PACRG: variants seen among roughly 807,000 people sequenced by gnomAD.
PACRG encodes the protein parkin coregulated.
In PACRG, 29 loss-of-function variants were observed where a neutral mutation model predicts 29.7. The observed-to-expected ratio is 0.98, with a 90% confidence interval of 0.73 to 1.33. The LOEUF (loss-of-function observed/expected upper bound fraction) is 1.33, where lower values mean the gene tolerates loss of function less well. Among genes scored for constraint, PACRG ranks in the 40% most tolerant of loss-of-function variants. The probability of loss-of-function intolerance (pLI) is 0.00; values close to 1 mark genes in which losing one functional copy is unlikely to be tolerated. For synonymous variants in PACRG, 116 were observed against 118.7 expected (o/e 0.98, Z 0.15); for missense variants, 279 against 316.2 (o/e 0.88, Z 0.89).
intron 1 of PACRG, among the ~76,000 whole-genome samples, chr6:162,763,924 T>C (rs1405097960): frequency 3.3e-5 from 5 of 152,160 alleles, no homozygotes; most frequent in Admixed American, 3.3e-4. Flanking sequence ...ACTATCTTCT[T>C]GAAGTGAAAA....
chr6:162,957,842 A>C (rs1426589808), intron 2 of PACRG, among the ~76,000 whole-genome samples: 2 of 152,150 alleles, frequency 1.3e-5, no homozygotes, highest in Non-Finnish European at 2.9e-5. Context: ...TAGAGACACA[A>C]ATAGAAATAA....
intron 4 of PACRG, among the ~76,000 whole-genome samples, chr6:163,175,771 G>GAGGAGT (rs945605999): frequency 6.6e-6 from 1 of 151,804 alleles, no homozygotes; most frequent in African/African-American, 2.4e-5. Context: ...GGAGGAGGAG[G>GAGGAGT]AGGAGGAGGA....
At chr6:162,912,009 C>A (rs974016593) in intron 2 of PACRG, among the ~76,000 whole-genome samples, 1 of 152,190 alleles carries the variant, frequency 6.6e-6, no homozygotes, top group Non-Finnish European at 1.5e-5. Context: ...CCCTCACTGG[C>A]CAAACAAAAT....
intron 4 of PACRG, among the ~76,000 whole-genome samples, chr6:163,139,614 T>C (rs1353724755): frequency 1.3e-5 from 2 of 152,178 alleles, no homozygotes; most frequent in African/African-American, 2.4e-5. Flanking sequence ...TCAATAACTA[T>C]TTGTTTTGTT....
At chr6:163,088,994 T>C (rs902852732) in intron 3 of PACRG, among the ~76,000 whole-genome samples, 2 of 152,188 alleles carry the variant, frequency 1.3e-5, no homozygotes, top group Admixed American at 6.5e-5. Context: ...AGCCCCGGCC[T>C]CTTCTACGAG....
chr6:163,210,918 C>T (rs1171462960), intron 4 of PACRG, among the ~76,000 whole-genome samples: 4 of 152,118 alleles, frequency 2.6e-5, no homozygotes, highest in Non-Finnish European at 5.9e-5. Flanking sequence ...TGGTTTTATG[C>T]CCTATTTAAA....
chr6:163,018,837 T>C (rs1272922330), intron 2 of PACRG, among the ~76,000 whole-genome samples: 1 of 152,162 alleles, frequency 6.6e-6, no homozygotes, highest in East Asian at 1.9e-4. Context: ...TATATGCATG[T>C]TGAGTCTCTT....
intron 4 of PACRG, among the ~76,000 whole-genome samples, chr6:163,140,254 T>C (rs116248158): frequency 0.017 from 2,647 of 152,252 alleles, 85 homozygotes; most frequent in African/African-American, 0.06. Context: ...CTTAGATCCC[T>C]AGGCCAGAAA....
At chr6:163,252,888 C>G (rs895298656) in intron 4 of PACRG, among the ~76,000 whole-genome samples, 3 of 152,196 alleles carry the variant, frequency 2.0e-5, no homozygotes, top group Non-Finnish European at 4.4e-5. Flanking sequence ...TAAAAGTAAG[C>G]AAATTCTGAC....
chr6:163,187,739 C>G (rs1267995444), intron 4 of PACRG: 1 of 152,440 alleles, frequency 6.6e-6, no homozygotes, highest in Non-Finnish European at 1.5e-5. Context: ...GGAGGAACCC[C>G]AGCATCCCAG....
intron 4 of PACRG, among the ~76,000 whole-genome samples, chr6:163,129,451 C>G (rs191791033): frequency 3.2e-4 from 49 of 152,320 alleles, no homozygotes; most frequent in African/African-American, 1.2e-3. Context: ...CCCTCACCAT[C>G]AGGGCACAAA....
intron 2 of PACRG, among the ~76,000 whole-genome samples, chr6:162,933,775 G>T (rs907810803): frequency 6.6e-6 from 1 of 151,974 alleles, no homozygotes; most frequent in Non-Finnish European, 1.5e-5. Flanking sequence ...GAAAAAAAAG[G>T]TTCGTTTAGT....
At chr6:162,977,457 C>G (rs1322096266) in intron 2 of PACRG, among the ~76,000 whole-genome samples, 1 of 151,408 alleles carries the variant, frequency 6.6e-6, no homozygotes, top group Non-Finnish European at 1.5e-5. Flanking sequence ...TGATATTTAC[C>G]TGGTAAGCTA....
intron 2 of PACRG, among the ~76,000 whole-genome samples, chr6:162,938,318 G>A (rs758500410): frequency 2.0e-5 from 3 of 152,156 alleles, no homozygotes; most frequent in African/African-American, 4.8e-5. Context: ...CATTTGGGTT[G>A]GTTCCATGTT....
intron 4 of PACRG, among the ~76,000 whole-genome samples, chr6:163,155,543 AC>A (rs1778277398): frequency 1.3e-5 from 2 of 152,136 alleles, no homozygotes; most frequent in South Asian, 4.1e-4. Context: ...CAAACTACTG[AC>A]CTTTTTGTAA....
intron 4 of PACRG, among the ~76,000 whole-genome samples, chr6:163,238,943 A>G (rs762027164): frequency 1.1e-4 from 16 of 152,132 alleles, no homozygotes; most frequent in Non-Finnish European, 2.4e-4. Context: ...TTGTTTTGCT[A>G]TCTCTGATGA....
rs148963542 is a variant in PACRG, at chr6:163,153,880, T to G, written c.613+64472T>G. On this transcript the variant is annotated intron_variant, in intron 4 of 4. Transcript: ENST00000366888. Reference sequence around the variant, plus strand: ...GTCCGTCTCCCTCAAAACCACCAGCTCCTGCTGCAATGTAAGGCTCTGTGG... The same window carrying G: ...GTCCGTCTCCCTCAAAACCACCAGCGCCTGCTGCAATGTAAGGCTCTGTGG... Among the ~76,000 whole-genome samples the G allele has an allele frequency of 6.8e-3, 1,030 of 152,264 alleles. 10 individuals are homozygous for G. Among genetic ancestry groups the G allele is most frequent in the African/African-American group, 0.019 (786 of 41,562 alleles).
intron 4 of PACRG, among the ~76,000 whole-genome samples, chr6:163,236,904 T>C (rs1212177427): frequency 6.6e-6 from 1 of 152,136 alleles, no homozygotes; most frequent in Non-Finnish European, 1.5e-5. Context: ...TTACATGGCT[T>C]GAGCAGGAGG....
chr6:163,155,756 G>C (rs1778285002), intron 4 of PACRG, among the ~76,000 whole-genome samples: 1 of 152,200 alleles, frequency 6.6e-6, no homozygotes, highest in Non-Finnish European at 1.5e-5. Flanking sequence ...CCCTAGCTGA[G>C]TCTCTATCCT....
Sources: gnomAD v4.1 joint callset for allele counts (sites outside exome capture counted in the v4.1 genomes callset) on GRCh38, gnomAD v4.1.1 for gene constraint, MANE v1.5 for transcripts, NCBI Gene and HGNC (gene_info 2026-07-23, HGNC 2026-07-21) for gene names.